ANO4: variants seen among roughly 807,000 people sequenced by gnomAD.
ANO4 encodes anoctamin 4, also known as anoctamin-4.
In ANO4, 69 loss-of-function variants were observed where a neutral mutation model predicts 141.9. That is an observed-to-expected ratio of 0.49 (90% CI 0.40 to 0.59). ANO4 has a LOEUF of 0.59. Among genes scored for constraint, ANO4 ranks in the 20% least tolerant of loss-of-function variants. ANO4 has a pLI of 0.00. For missense variants in ANO4, 894 were observed against 1,162.2 expected, an observed-to-expected ratio of 0.77 and a Z score of 3.36; for synonymous variants, 350 against 394.3, an observed-to-expected ratio of 0.89 and a Z score of 1.33.
At chr12:100,962,324 A>G (rs1192755278) in intron 5 of ANO4, among the ~76,000 whole-genome samples, 3 of 152,220 alleles carry the variant, frequency 2.0e-5, no homozygotes, top group African/African-American at 7.2e-5. Flanking sequence ...GGTGCTGGGA[A>G]TACAACTGTG....
Position 100,722,257 on chromosome 12 carries a change from C to T in ANO4, c.22+4710C>T, listed in dbSNP as rs567631278. 5.3e-5 allele frequency among the ~76,000 whole-genome samples: 8 copies of T among 152,266 alleles called. No individual in the cohort carries two copies. In the South Asian group the frequency reaches 1.2e-3, roughly 24 times the overall value. On this transcript the variant is annotated intron_variant, in intron 1 of 29. Transcript: ENST00000644049. ...ATGCTAGTCCAGGCCACCATCATTG[C>T]CCACTTTGGCTGCAACAGTGGCCTC...
intron 25 of ANO4, among the ~76,000 whole-genome samples, chr12:101,119,004 G>A (rs1428518220): frequency 6.6e-6 from 1 of 151,890 alleles, no homozygotes; most frequent in African/African-American, 2.4e-5. Context: ...TGCTGAGAAT[G>A]ATGGTTTCCA....
chr12:101,093,131 G>T (rs990770517), intron 17 of ANO4, among the ~76,000 whole-genome samples: 1 of 152,130 alleles, frequency 6.6e-6, no homozygotes. Flanking sequence ...AAGAGTCTGA[G>T]ATTTCTAGAC....
chr12:100,789,528 C>T (rs2033974097), intron 3 of ANO4, among the ~76,000 whole-genome samples: 2 of 152,184 alleles, frequency 1.3e-5, no homozygotes. Flanking sequence ...AGTTCTTTAT[C>T]ATACAGCACC....
intron 18 of ANO4, among the ~76,000 whole-genome samples, chr12:101,095,490 T>G (rs1438983916): frequency 6.6e-6 from 1 of 152,100 alleles, no homozygotes; most frequent in Non-Finnish European, 1.5e-5. Flanking sequence ...GTGAAACCCT[T>G]TAAGAAAACC....
At chr12:101,037,612 C>T (rs189904709) in intron 10 of ANO4, among the ~76,000 whole-genome samples, 4 of 152,190 alleles carry the variant, frequency 2.6e-5, no homozygotes, top group Admixed American at 6.5e-5. Context: ...CATCATTGTT[C>T]ACCTAAGATG....
At chr12:100,908,128 G>C (rs1029994270) in intron 2 of ANO4, among the ~76,000 whole-genome samples, 4 of 152,190 alleles carry the variant, frequency 2.6e-5, no homozygotes, top group African/African-American at 9.6e-5. Flanking sequence ...GGGAGGCCGA[G>C]GCGGGTGGAT....
chr12:100,956,682 G>A (rs540129148), intron 5 of ANO4, among the ~76,000 whole-genome samples: 2 of 152,282 alleles, frequency 1.3e-5, no homozygotes, highest in African/African-American at 4.8e-5. Context: ...CTGAAATCTA[G>A]TCTTTTATCA....
At chr12:100,719,022 A>G (rs189677879) in intron 1 of ANO4, among the ~76,000 whole-genome samples, 136 of 152,330 alleles carry the variant, frequency 8.9e-4, no homozygotes, top group African/African-American at 3.2e-3. Flanking sequence ...TTAAAAGCTT[A>G]ATTGAGCACC....
Position 100,846,136 on chromosome 12 carries a change from C to T in ANO4, c.-141+51109C>T, listed in dbSNP as rs148375908. On this transcript the variant is annotated intron_variant, in intron 1 of 27. Transcript: ENST00000392977. ...TGAGATTGCAAATTAACTAGCAAGG[C>T]GTCTAGCACATAGAAATCCCTTGAT... is the stretch of plus-strand genomic sequence containing the variant. Among the ~76,000 whole-genome samples, 365 of 152,318 alleles carry T rather than the reference C, an allele frequency of 2.4e-3. 2 individuals are homozygous for T. The highest frequency in any genetic ancestry group is 0.018 in the East Asian group (94 of 5,182).
intron 14 of ANO4, chr12:101,069,038 A>G: frequency 3.6e-6 from 3 of 824,542 alleles, no homozygotes; most frequent in Non-Finnish European, 4.3e-6. Context: ...CAAGTTGGCT[A>G]AGGTACACTA....
chr12:100,983,220 T>C (rs2044562706), intron 7 of ANO4, among the ~76,000 whole-genome samples: 2 of 152,242 alleles, frequency 1.3e-5, no homozygotes, highest in East Asian at 3.9e-4. Flanking sequence ...GAGAACAGCA[T>C]GTGGAATGGC....
intron 9 of ANO4, among the ~76,000 whole-genome samples, chr12:101,023,407 A>T (rs1021111454): frequency 6.6e-6 from 1 of 152,202 alleles, no homozygotes; most frequent in South Asian, 2.1e-4. Flanking sequence ...ACATTGGCTC[A>T]TGCCTGGAAT....
At chr12:100,923,781 C>T (rs1452331007) in intron 3 of ANO4, among the ~76,000 whole-genome samples, 1 of 152,176 alleles carries the variant, frequency 6.6e-6, no homozygotes, top group African/African-American at 2.4e-5. Flanking sequence ...TATTTCTTCA[C>T]ATCCTCTCCA....
At chr12:101,063,091 C>T (rs1450730425) in intron 14 of ANO4, among the ~76,000 whole-genome samples, 1 of 152,332 alleles carries the variant, frequency 6.6e-6, no homozygotes, top group East Asian at 1.9e-4. Flanking sequence ...CCAGAGTGCA[C>T]CATTCCTCAC....
chr12:100,925,093 A>G (rs1393169724), intron 3 of ANO4, among the ~76,000 whole-genome samples: 3 of 152,088 alleles, frequency 2.0e-5, no homozygotes, highest in Non-Finnish European at 2.9e-5. Flanking sequence ...TTCTTGTTGC[A>G]AACAAGTTTT....
At chr12:100,861,201 T>C (rs1308695390) in intron 1 of ANO4, among the ~76,000 whole-genome samples, 2 of 152,218 alleles carry the variant, frequency 1.3e-5, no homozygotes, top group Admixed American at 6.5e-5. Flanking sequence ...AGAGCACTGA[T>C]TGGTGCATTT....
At chr12:101,008,834 A>G (rs574331890) in intron 8 of ANO4, among the ~76,000 whole-genome samples, 74 of 152,242 alleles carry the variant, frequency 4.9e-4, no homozygotes, top group African/African-American at 1.7e-3. Context: ...ACAAGTTCCA[A>G]TCTGAACTCT....
intron 1 of ANO4, among the ~76,000 whole-genome samples, chr12:100,830,742 A>G (rs2036589341): frequency 6.6e-6 from 1 of 152,072 alleles, no homozygotes; most frequent in East Asian, 1.9e-4. Context: ...AGCTGCTGAG[A>G]TAACGTTTCT....
Sources: allele counts gnomAD v4.1 joint callset (sites outside exome capture counted in the v4.1 genomes callset), GRCh38; gene constraint gnomAD v4.1.1; transcripts MANE v1.5; gene names NCBI Gene and HGNC (gene_info 2026-07-23, HGNC 2026-07-21).